The following RNF43 variants were observed in gnomAD, a reference collection of about 807,000 sequenced individuals.
RNF43 encodes E3 ubiquitin-protein ligase RNF43.
RNF43 carries 37 observed loss-of-function variants against 78.4 expected under a neutral mutation model. That is an observed-to-expected ratio of 0.47 (90% CI 0.36 to 0.62). RNF43 has a LOEUF of 0.62. Ranked by LOEUF, RNF43 falls within the 20% of genes least tolerant of loss-of-function variation. The pLI is 0.00. For synonymous variants in RNF43, 347 were observed against 395.0 expected, an observed-to-expected ratio of 0.88 and a Z score of 1.44; for missense variants, 774 against 1,007.9, an observed-to-expected ratio of 0.77 and a Z score of 3.14.
chr17:58,355,064 G>A, intron 9 of RNF43, 78 bp from the exon 10 acceptor site: 3 of 1,266,314 alleles, frequency 2.4e-6, no homozygotes, highest in Non-Finnish European at 3.5e-6. Context: ...GCAGCAGAGT[G>A]TGGCTGAGAG....
intron 2 of RNF43, among the ~76,000 whole-genome samples, chr17:58,381,400 G>A (rs1021842508): frequency 6.6e-6 from 1 of 152,204 alleles, no homozygotes; most frequent in Non-Finnish European, 1.5e-5. Flanking sequence ...CCCTAGGGAA[G>A]AGGCCTGCTT....
At chr17:58,404,528 C>A (rs1973865524) in intron 2 of RNF43, among the ~76,000 whole-genome samples, 1 of 152,198 alleles carries the variant, frequency 6.6e-6, no homozygotes, top group Non-Finnish European at 1.5e-5. Flanking sequence ...ATAGAGTTTA[C>A]TAACTTTAGA....
At chr17:58,388,536 C>T (rs910833843) in intron 2 of RNF43, among the ~76,000 whole-genome samples, 2 of 152,186 alleles carry the variant, frequency 1.3e-5, no homozygotes, top group African/African-American at 4.8e-5. Context: ...TCTTACTTGG[C>T]AAGTATTTGA....
chr17:58,392,246 C>A (rs1483950419), intron 2 of RNF43, among the ~76,000 whole-genome samples: 1 of 152,140 alleles, frequency 6.6e-6, no homozygotes, highest in East Asian at 1.9e-4. Context: ...AAGAAAATAC[C>A]TCTTTATTGG....
intron 2 of RNF43, among the ~76,000 whole-genome samples, chr17:58,403,985 G>A (rs562521255): frequency 1.3e-5 from 2 of 152,224 alleles, no homozygotes; most frequent in South Asian, 2.1e-4. Context: ...TCTGATCATT[G>A]GGACAACCTT....
chr17:58,380,770 A>G (rs182038090), intron 2 of RNF43, among the ~76,000 whole-genome samples: 2 of 152,358 alleles, frequency 1.3e-5, no homozygotes, highest in Non-Finnish European at 2.9e-5. Flanking sequence ...AGTGCGAAAT[A>G]GCTTCATTAA....
intron 2 of RNF43, among the ~76,000 whole-genome samples, chr17:58,373,645 C>G (rs1032303008): frequency 1.1e-4 from 17 of 152,202 alleles, no homozygotes; most frequent in African/African-American, 3.9e-4. Flanking sequence ...TCTCCTCAAG[C>G]ATTAATCCCT....
At chr17:58,355,132 T>C (rs1972661860) in intron 9 of RNF43, 146 bp from the exon 10 acceptor site, 1 of 760,334 alleles carries the variant, frequency 1.3e-6, no homozygotes, top group South Asian at 1.5e-5. Flanking sequence ...GATTGAAAGC[T>C]AAGGGGGCCC....
chr17:58,378,701 C>T (rs1448508789), intron 2 of RNF43, among the ~76,000 whole-genome samples: 5 of 152,126 alleles, frequency 3.3e-5, no homozygotes, highest in Non-Finnish European at 1.5e-5. Context: ...GAAGAGGCCT[C>T]CATGATTTCT....
intron 1 of RNF43, 180 bp from the exon 2 acceptor site, chr17:58,416,142 A>C (rs574092244): frequency 1.2e-5 from 2 of 163,644 alleles, no homozygotes; most frequent in Non-Finnish European, 2.7e-5. Flanking sequence ...GGAGGAGAAG[A>C]GGGAACAATA....
chr17:58,361,630 A>G (rs936300813), intron 6 of RNF43, among the ~76,000 whole-genome samples: 1 of 152,182 alleles, frequency 6.6e-6, no homozygotes, highest in African/African-American at 2.4e-5. Context: ...TTTCTCTCAC[A>G]ACACTCCAGT....
chr17:58,361,653 AC>A (rs1462782118), intron 6 of RNF43, among the ~76,000 whole-genome samples: 2 of 152,050 alleles, frequency 1.3e-5, no homozygotes, highest in Non-Finnish European at 2.9e-5. Flanking sequence ...CTCCTGTTTC[AC>A]CCACAGTAAA....
chr17:58,413,286 T>C (rs1974060485), intron 2 of RNF43, among the ~76,000 whole-genome samples: 1 of 152,182 alleles, frequency 6.6e-6, no homozygotes, highest in African/African-American at 2.4e-5. Flanking sequence ...GCTTGTTTTT[T>C]AAAAAAGTTT....
chr17:58,362,962 C>A (rs1972869309), intron 5 of RNF43, among the ~76,000 whole-genome samples: 1 of 152,166 alleles, frequency 6.6e-6, no homozygotes, highest in African/African-American at 2.4e-5. Context: ...GGTTCTTGGC[C>A]AGTAGAGAAG....
intron 2 of RNF43, among the ~76,000 whole-genome samples, chr17:58,396,192 A>G (rs1973676630): frequency 6.6e-6 from 1 of 152,226 alleles, no homozygotes; most frequent in Admixed American, 6.5e-5. Flanking sequence ...GATATGGAGG[A>G]TACAGAAATG....
chr17:58,379,983 G>C (rs1973279560), intron 2 of RNF43, among the ~76,000 whole-genome samples: 1 of 152,180 alleles, frequency 6.6e-6, no homozygotes, highest in South Asian at 2.1e-4. Flanking sequence ...TATCATTTTA[G>C]TTACATCAGG....
rs2143445618 is a variant in RNF43 at position 58,360,829 on chromosome 17, G to A, written c.803C>T (p.Ser268Leu). Residue 268 changes from serine (S) to leucine (L), a missense_variant, in exon 7 of 10, where the codon TCA (serine) becomes TTA (leucine). By Grantham distance (145) the Ser-to-Leu change is moderately radical. Coordinates refer to ENST00000407977, the MANE Select transcript of RNF43 (RefSeq NM_017763.6). The surrounding 1 kb of genome is among the most constrained non-coding windows in gnomAD (Gnocchi z 4.3). ...EWPDSGSSCS[S>L]APVCAICLEE... ...CAGACAGATGGCACACACAGGGGCT[G>A]AGCTGCAGCTGCTCCCTGAGTCTGG... The A allele has an allele frequency of 6.2e-7, 1 of 1,613,146 alleles. No individual in the cohort carries two copies. The highest frequency in any genetic ancestry group is 2.2e-5 in the East Asian group (1 of 44,782).
In RNF43 at chr17:58,415,931, T is replaced by TG. The variant is rs1974114053; in HGVS notation, c.-355_-354insC. ...TTGTATTATGTCAGATCACTTGGCA[T>TG]TGCTCTTCCATATGCATCAAGTTGC... is the stretch of plus-strand genomic sequence containing the variant. On this transcript the variant is annotated 5_prime_UTR_variant, in exon 2 of 10. It removes the in-frame stop codon of an upstream open reading frame in the 5' UTR. Transcript: ENST00000407977. 2 of 355,458 alleles carry TG rather than the reference T, an allele frequency of 5.6e-6. No individual in the cohort carries two copies. 22.0% of individuals were successfully genotyped at this position (355,458 alleles called of 1,614,324 possible).
Position 58,356,390 on chromosome 17 carries a change from T to A in RNF43, c.2308+1078A>T, listed in dbSNP as rs778742894. On this transcript the variant is annotated intron_variant, in intron 9 of 9. Coordinates refer to ENST00000407977, the MANE Select transcript of RNF43 (RefSeq NM_017763.6). The stretch of plus-strand genomic sequence containing the variant: ...TGATGGCTGTAGACAAAGAACTGTG[T>A]CATCCATACAATGGGGGAAGATGGG... Among the ~76,000 whole-genome samples the A allele has an allele frequency of 3.9e-5, 6 of 152,170 alleles. No individual in the cohort carries two copies. The South Asian group carries it at 1.2e-3, about 32-fold the overall frequency.
Sources: allele counts gnomAD v4.1 joint callset (sites outside exome capture counted in the v4.1 genomes callset), GRCh38; gene constraint gnomAD v4.1.1; non-coding constraint Gnocchi (gnomAD v3.1); transcripts MANE v1.5; gene names NCBI Gene and HGNC (gene_info 2026-07-23, HGNC 2026-07-21).